Variants in ADAMTS18 observed in about 807,000 individuals in gnomAD.
ADAMTS18 encodes ADAM metallopeptidase with thrombospondin type 1 motif 18.
In ADAMTS18, 157 loss-of-function variants were observed where a neutral mutation model predicts 165.9. The ratio of observed to expected loss-of-function variants is 0.95; its 90% CI spans 0.83 to 1.08. The LOEUF is 1.08. Ranked by LOEUF, ADAMTS18 falls within the 50% of genes least tolerant of loss-of-function variation. ADAMTS18 has a pLI of 0.00. For synonymous variants in ADAMTS18, 782 were observed against 578.2 expected (o/e 1.35, Z -5.06); for missense variants, 2,040 against 1,534.0 (o/e 1.33, Z -5.51).
At chr16:77,408,040 G>T (rs2057415104) in intron 3 of ADAMTS18, among the ~76,000 whole-genome samples, 1 of 151,868 alleles carries the variant, frequency 6.6e-6, no homozygotes, top group African/African-American at 2.4e-5. Context: ...AAATCTAATA[G>T]AAAAATGGCA....
At chr16:77,358,537 G>T (rs1210266443) in intron 8 of ADAMTS18, among the ~76,000 whole-genome samples, 2 of 152,104 alleles carry the variant, frequency 1.3e-5, no homozygotes, top group East Asian at 3.9e-4. Flanking sequence ...ACTCCAGCCG[G>T]GGCGACAGAC....
intron 3 of ADAMTS18, among the ~76,000 whole-genome samples, chr16:77,392,932 T>C (rs1332722631): frequency 1.3e-5 from 2 of 152,062 alleles, no homozygotes; most frequent in East Asian, 1.9e-4. Flanking sequence ...AGAGGGAACT[T>C]TTAGACAGTA....
At chr16:77,294,866 T>G in intron 19 of ADAMTS18, 57 bp downstream of exon 19, 4 of 1,549,766 alleles carry the variant, frequency 2.6e-6, no homozygotes, top group Non-Finnish European at 3.6e-6. Context: ...CAAAGACACC[T>G]CTACTTTTGC....
chr16:77,289,458 C>T (rs1597079049), intron 21 of ADAMTS18, 47 bp from the exon 22 acceptor site: 2 of 1,601,920 alleles, frequency 1.2e-6, no homozygotes. Flanking sequence ...CTACTGAGGT[C>T]AGTGACATCA....
chr16:77,381,303 G>A (rs1353486860), intron 3 of ADAMTS18, among the ~76,000 whole-genome samples: 1 of 151,810 alleles, frequency 6.6e-6, no homozygotes, highest in Non-Finnish European at 1.5e-5. Flanking sequence ...GAGAGGGTGG[G>A]GGTGGGGGAC....
Position 77,359,389 on chromosome 16 carries a change from GTAC to G in ADAMTS18, c.1248_1250del (p.Lys416_Tyr417delinsAsn). 6.2e-7 allele frequency: 1 copy of G among 1,614,002 alleles called. No homozygotes were observed. The highest frequency in any genetic ancestry group is 8.5e-7 in the Non-Finnish European group (1 of 1,180,008). ...TGTCCTCATTGATGGTACAACTTCG[GTAC>G]TTAGAGCACATTCCACTGATGGGGG... On this transcript the variant is annotated inframe_deletion, in exon 8 of 23. Coordinates refer to ENST00000282849, the MANE Select transcript of ADAMTS18 (RefSeq NM_199355.4).
At chr16:77,308,578 GA>G (rs58305642) in intron 16 of ADAMTS18, among the ~76,000 whole-genome samples, 2,873 of 146,248 alleles carry the variant, frequency 0.02, 69 homozygotes, top group African/African-American at 0.06. Flanking sequence ...AGCTAATCAT[GA>G]AAAAAAAAAA....
At position 77,434,749 on chromosome 16, in the gene ADAMTS18, A is replaced by C; in HGVS notation, c.-54T>G. ...TGGCCAGACGCGGCAGGCGGAGCGCACGGGCGGCGCGCATTCTTTCCGCGG... is the reference window on the plus strand; with the variant it reads ...TGGCCAGACGCGGCAGGCGGAGCGCCCGGGCGGCGCGCATTCTTTCCGCGG... On this transcript the variant is annotated 5_prime_UTR_variant, in exon 1 of 23. Transcript: ENST00000282849. 1 of 1,347,982 alleles carries C rather than the reference A, an allele frequency of 7.4e-7. No individual in the cohort carries two copies. The highest frequency in any genetic ancestry group is 9.6e-7 in the Non-Finnish European group (1 of 1,044,066). 83.5% of individuals were successfully genotyped at this position (1,347,982 alleles called of 1,614,324 possible).
At chr16:77,416,874 G>C (rs532026794) in intron 3 of ADAMTS18, among the ~76,000 whole-genome samples, 47 of 152,288 alleles carry the variant, frequency 3.1e-4, no homozygotes, top group Non-Finnish European at 5.6e-4. Flanking sequence ...GAATGATTTA[G>C]AACAGTGATG....
At chr16:77,406,088 A>T (rs1028574617) in intron 3 of ADAMTS18, among the ~76,000 whole-genome samples, 3 of 152,294 alleles carry the variant, frequency 2.0e-5, no homozygotes, top group Admixed American at 1.3e-4. Context: ...TACAGACCAA[A>T]TTTTCTCACA....
At chr16:77,382,072 G>A (rs1004075619) in intron 3 of ADAMTS18, among the ~76,000 whole-genome samples, 1 of 152,102 alleles carries the variant, frequency 6.6e-6, no homozygotes, top group Non-Finnish European at 1.5e-5. Context: ...CCTTGCAACA[G>A]CCGCGCCACA....
chr16:77,337,528 C>G (rs1441110920), intron 11 of ADAMTS18, among the ~76,000 whole-genome samples: 2 of 152,190 alleles, frequency 1.3e-5, no homozygotes, highest in Non-Finnish European at 2.9e-5. Flanking sequence ...ATTCAAATAA[C>G]TATGCAAGTA....
At chr16:77,302,438 A>C (rs1013537916) in intron 16 of ADAMTS18, among the ~76,000 whole-genome samples, 1 of 152,196 alleles carries the variant, frequency 6.6e-6, no homozygotes, top group Non-Finnish European at 1.5e-5. Context: ...AGTGCAATGC[A>C]TAAGAGTTAC....
intron 16 of ADAMTS18, among the ~76,000 whole-genome samples, chr16:77,310,940 A>G (rs1035412435): frequency 6.6e-6 from 1 of 152,166 alleles, no homozygotes; most frequent in African/African-American, 2.4e-5. Flanking sequence ...AATATCTAAC[A>G]CAGGGCTGGA....
At chr16:77,425,152 C>G (rs543838335) in intron 3 of ADAMTS18, among the ~76,000 whole-genome samples, 3 of 152,274 alleles carry the variant, frequency 2.0e-5, no homozygotes, top group Admixed American at 2.0e-4. Flanking sequence ...GAGAATGGGT[C>G]ACTGCAGTCA....
At chr16:77,385,626 C>G (rs1351560449) in intron 3 of ADAMTS18, among the ~76,000 whole-genome samples, 5 of 152,184 alleles carry the variant, frequency 3.3e-5, no homozygotes, top group Admixed American at 2.6e-4. Flanking sequence ...ATTTGTTAAA[C>G]AGACAGCTGG....
intron 3 of ADAMTS18, among the ~76,000 whole-genome samples, chr16:77,374,237 T>C (rs1177842841): frequency 1.4e-5 from 2 of 147,298 alleles, no homozygotes; most frequent in East Asian, 2.0e-4. Context: ...AAAAAAAAAA[T>C]TGTTTCTTCA....
intron 10 of ADAMTS18, among the ~76,000 whole-genome samples, chr16:77,347,139 T>C (rs2056489384): frequency 6.6e-6 from 1 of 152,238 alleles, no homozygotes; most frequent in Non-Finnish European, 1.5e-5. Context: ...TCTTTATTGA[T>C]GAATGGAGTT....
chr16:77,378,912 G>C (rs538160331), intron 3 of ADAMTS18: 1 of 152,194 alleles, frequency 6.6e-6, no homozygotes, highest in Non-Finnish European at 1.5e-5. Flanking sequence ...GAAATTCTGG[G>C]AAGTAGCATA....
Sources: allele counts gnomAD v4.1 joint callset (sites outside exome capture counted in the v4.1 genomes callset), GRCh38; gene constraint gnomAD v4.1.1; transcripts MANE v1.5; gene names NCBI Gene and HGNC (gene_info 2026-07-23, HGNC 2026-07-21).